PLXNA2: variants seen among roughly 807,000 people sequenced by gnomAD.
The protein encoded by PLXNA2 is plexin A2.
A neutral mutation model predicts 193.5 loss-of-function variants in PLXNA2; 91 were observed. The ratio of observed to expected loss-of-function variants is 0.47; its 90% CI spans 0.40 to 0.56. PLXNA2 has a LOEUF of 0.56. Among genes scored for constraint, PLXNA2 ranks in the 20% least tolerant of loss-of-function variants. The pLI, the probability that PLXNA2 is intolerant of heterozygous loss-of-function variation, is 0.00. For missense variants in PLXNA2, 1,995 were observed against 2,503.2 expected (o/e 0.80, Z 4.33); for synonymous variants, 997 against 1,027.3 (o/e 0.97, Z 0.56).
intron 3 of PLXNA2, among the ~76,000 whole-genome samples, chr1:208,164,212 C>T: frequency 6.6e-6 from 1 of 152,178 alleles, no homozygotes; most frequent in Non-Finnish European, 1.5e-5. Flanking sequence ...CTGTGATTCC[C>T]CTTCCTGGGC....
intron 3 of PLXNA2, among the ~76,000 whole-genome samples, chr1:208,176,327 T>C (rs1363280897): frequency 1.3e-5 from 2 of 152,122 alleles, no homozygotes; most frequent in Non-Finnish European, 2.9e-5. Context: ...ACTCCTCAAA[T>C]TATGCCTGTA....
At chr1:208,055,098 G>A (rs916423525) in intron 13 of PLXNA2, among the ~76,000 whole-genome samples, 5 of 152,166 alleles carry the variant, frequency 3.3e-5, no homozygotes, top group Non-Finnish European at 5.9e-5. Context: ...CGGGAGGGGT[G>A]GAGTCCTGCC....
intron 4 of PLXNA2, among the ~76,000 whole-genome samples, chr1:208,114,141 A>G (rs1667570617): frequency 6.6e-6 from 1 of 152,182 alleles, no homozygotes; most frequent in Non-Finnish European, 1.5e-5. Context: ...TCCCTCTGGC[A>G]AAGTCCCTGG....
At position 208,044,826 on chromosome 1, in the gene PLXNA2, A is replaced by T; in HGVS notation, c.3640-84T>A. 1 of 1,173,284 alleles carries T rather than the reference A, an allele frequency of 8.5e-7. No individual in the cohort carries two copies. Among genetic ancestry groups the T allele is most frequent in the South Asian group, 1.4e-5 (1 of 73,684 alleles). The allele number at this position is 1,173,284 out of a possible 1,614,324, so 72.7% of individuals were successfully genotyped here. A position where few individuals can be genotyped will look rare whatever the true frequency, so the allele number is the denominator to read the frequency against. On this transcript the variant is annotated intron_variant, in intron 19 of 31. Coordinates refer to ENST00000367033, the MANE Select transcript of PLXNA2 (RefSeq NM_025179.4). The surrounding 1 kb of genome is among the most constrained non-coding windows in gnomAD (Gnocchi z 4.9). ...GCCAGCAGATCCTTACAGTGCGAGG[A>T]AGGACATGACAGACCACAACCACAC...
intron 4 of PLXNA2, among the ~76,000 whole-genome samples, chr1:208,111,886 C>T (rs1667487849): frequency 6.6e-6 from 1 of 152,172 alleles, no homozygotes; most frequent in South Asian, 2.1e-4. Context: ...ACAAAAACCC[C>T]AGAAAAACAG....
At chr1:208,124,869 A>G (rs2102455419) in intron 4 of PLXNA2, among the ~76,000 whole-genome samples, 1 of 152,238 alleles carries the variant, frequency 6.6e-6, no homozygotes, top group East Asian at 1.9e-4. Flanking sequence ...CTGGTGTCAC[A>G]GCGTCCTTAG....
At chr1:208,170,392 C>A (rs995511168) in intron 3 of PLXNA2, among the ~76,000 whole-genome samples, 5 of 152,292 alleles carry the variant, frequency 3.3e-5, no homozygotes, top group Non-Finnish European at 7.4e-5. Flanking sequence ...GGGACCATCT[C>A]CAGAGACTGG....
intron 3 of PLXNA2, among the ~76,000 whole-genome samples, chr1:208,197,998 T>A (rs1040994161): frequency 6.6e-6 from 1 of 152,212 alleles, no homozygotes; most frequent in African/African-American, 2.4e-5. Context: ...GTTCCAAGGA[T>A]GCCATTTTCT....
chr1:208,090,000 G>A (rs1299113139), intron 9 of PLXNA2, among the ~76,000 whole-genome samples: 2 of 152,184 alleles, frequency 1.3e-5, no homozygotes, highest in African/African-American at 4.8e-5. Flanking sequence ...ACAGAAAAGA[G>A]GGGGGCCTGG....
chr1:208,217,043 C>T lies in PLXNA2; in HGVS notation c.880G>A (p.Val294Met), dbSNP rs1352976113. The change falls in exon 2 of 32, where the codon GTG (valine) becomes ATG (methionine). Residue 294 changes from valine (V) to methionine (M), a missense_variant. Val to Met is a conservative substitution (Grantham distance 21). Transcript: ENST00000367033. The surrounding 1 kb of genome is among the most constrained non-coding windows in gnomAD (Gnocchi z 4.7). ...CKDDPKFHSY[V>M]SLPFGCTRAG... is the part of the protein sequence containing the mutation. ...CGGGTGCAGCCGAAGGGCAGGGACA[C>T]GTATGAGTGGAACTTGGGGTCATCC... 1.1e-5 allele frequency: 17 copies of T among 1,612,858 alleles called. No homozygotes were observed. Among genetic ancestry groups the T allele is most frequent in the South Asian group, 2.2e-5 (2 of 91,026 alleles).
Position 208,045,541 on chromosome 1 carries a change from A to T in PLXNA2, c.3496-331T>A, listed in dbSNP as rs112854014. ...ATCACTTGGATGGACAGTGCCAGGGACTGTGACCTCTGGAAATGTGTGTGT... is the reference window on the plus strand; with the variant it reads ...ATCACTTGGATGGACAGTGCCAGGGTCTGTGACCTCTGGAAATGTGTGTGT... On this transcript the variant is annotated intron_variant, in intron 18 of 31. Coordinates refer to ENST00000367033, the MANE Select transcript of PLXNA2 (RefSeq NM_025179.4). Among the ~76,000 whole-genome samples the T allele has an allele frequency of 2.6e-5, 4 of 152,314 alleles. No individual in the cohort carries two copies. The South Asian group carries it at 6.2e-4, about 24-fold the overall frequency.
At chr1:208,219,149 C>A (rs1294632375) in intron 1 of PLXNA2, among the ~76,000 whole-genome samples, 2 of 152,228 alleles carry the variant, frequency 1.3e-5, no homozygotes, top group Non-Finnish European at 2.9e-5. Flanking sequence ...GACTCCCAGG[C>A]TTTAAGGCTC....
At chr1:208,027,875 G>T in intron 31 of PLXNA2, 134 bp downstream of exon 31, 1 of 717,110 alleles carries the variant, frequency 1.4e-6, no homozygotes, top group East Asian at 2.9e-5. Context: ...GCCTCATAAA[G>T]GAATGATAAT....
chr1:208,184,947 C>T (rs1421220272), intron 3 of PLXNA2, among the ~76,000 whole-genome samples: 1 of 152,176 alleles, frequency 6.6e-6, no homozygotes. Flanking sequence ...TCCAATTAAG[C>T]TTTTTGCCCA....
In PLXNA2 at chr1:208,168,677, C is replaced by G. The variant is rs1454403119; in HGVS notation, c.1372-26214G>C. 1.2e-4 allele frequency among the ~76,000 whole-genome samples: 17 copies of G among 136,916 alleles called. No individual in the cohort carries two copies. In the South Asian group the frequency reaches 4.1e-3, roughly 33 times the overall value. The allele number at this position is 136,916 out of a possible 152,430, so 89.8% of individuals were successfully genotyped here. ...AGCAGGCCCTCAGAGACTAGGGAGT[C>G]TCTAAAAGGGAAAATAAAGACAAAA... On this transcript the variant is annotated intron_variant, in intron 3 of 31. Transcript: ENST00000367033.
intron 12 of PLXNA2, among the ~76,000 whole-genome samples, chr1:208,063,996 T>C (rs1457950968): frequency 1.3e-5 from 2 of 152,136 alleles, no homozygotes; most frequent in Non-Finnish European, 2.9e-5. Flanking sequence ...AAACGAACTC[T>C]TAATTTTTCC....
Position 208,044,436 on chromosome 1 carries a change from T to C in PLXNA2, c.3874+72A>G. The C allele has an allele frequency of 1.9e-6, 2 of 1,040,052 alleles. No individual in the cohort carries two copies. The highest frequency in any genetic ancestry group is 1.5e-6 in the Non-Finnish European group (1 of 670,774). The allele number at this position is 1,040,052 out of a possible 1,614,324, so 64.4% of individuals were successfully genotyped here. A position where few individuals can be genotyped will look rare whatever the true frequency, so the allele number is the denominator to read the frequency against. On this transcript the variant is annotated intron_variant, in intron 20 of 31. Transcript: ENST00000367033. This position sits in a 1 kb window ranked among gnomAD's most constrained non-coding sequence, Gnocchi z 4.9. ...GCGATGGGAGTAAAGATAGGAGTTGTCTGCAGGGAGAAGGGCAATAAGGCA... is the reference window on the plus strand; with the variant it reads ...GCGATGGGAGTAAAGATAGGAGTTGCCTGCAGGGAGAAGGGCAATAAGGCA...
At chr1:208,035,286 T>C (rs765637695) in intron 26 of PLXNA2, among the ~76,000 whole-genome samples, 2 of 152,220 alleles carry the variant, frequency 1.3e-5, no homozygotes, top group Non-Finnish European at 2.9e-5. Context: ...CCAGAGCACA[T>C]GTTCTCTTCA....
chr1:208,098,452 T>TCACACACACACA (rs1466419984), intron 6 of PLXNA2, among the ~76,000 whole-genome samples: 1 of 120,734 alleles, frequency 8.3e-6, no homozygotes, highest in African/African-American at 3.0e-5. Flanking sequence ...TCTCTCTCTC[T>TCACACACACACA]CTCTCTCACA....
Sources: allele counts gnomAD v4.1 joint callset (sites outside exome capture counted in the v4.1 genomes callset), GRCh38; gene constraint gnomAD v4.1.1; non-coding constraint Gnocchi (gnomAD v3.1); transcripts MANE v1.5; gene names NCBI Gene and HGNC (gene_info 2026-07-23, HGNC 2026-07-21).